Variants in FHIT observed in about 807,000 individuals in gnomAD.
The protein encoded by FHIT is fragile histidine triad diadenosine triphosphatase, also known as bis(5'-adenosyl)-triphosphatase.
Under a neutral mutation model 17.9 loss-of-function variants are expected in FHIT, and 19 were observed. The observed-to-expected ratio is 1.06, with a 90% CI of 0.74 to 1.56. FHIT has a LOEUF of 1.56. Among genes scored for constraint, FHIT ranks in the 40% most tolerant of loss-of-function variants. The probability of loss-of-function intolerance (pLI) is 0.00; values close to 1 mark genes in which losing one functional copy is unlikely to be tolerated. For missense variants in FHIT, 248 were observed against 189.2 expected (o/e 1.31, Z -1.82); for synonymous variants, 81 against 69.7 (o/e 1.16, Z -0.81).
chr3:60,208,306 G>A lies in FHIT; in HGVS notation c.104-194154C>T, dbSNP rs553602262. Among the ~76,000 whole-genome samples, 3 of 152,278 alleles carry A rather than the reference G, an allele frequency of 2.0e-5. No homozygotes were observed. In the South Asian group the frequency reaches 6.2e-4, roughly 32 times the overall value. On this transcript the variant is annotated intron_variant, in intron 5 of 9. Transcript: ENST00000492590. ...GCTTATTAAAAGATGCAGGCTTTCA[G>A]AACTCGACAAATTTTCTTGATCCTT...
chr3:60,050,875 G>C (rs1701844123), intron 5 of FHIT, among the ~76,000 whole-genome samples: 1 of 152,114 alleles, frequency 6.6e-6, no homozygotes, highest in Non-Finnish European at 1.5e-5. Context: ...AAGAGAATGT[G>C]GTGTAAGGCC....
chr3:60,190,683 G>A (rs1273962860), intron 5 of FHIT, among the ~76,000 whole-genome samples: 4 of 152,010 alleles, frequency 2.6e-5, no homozygotes, highest in Non-Finnish European at 5.9e-5. Context: ...GTTAATGGGT[G>A]CAGCACACCA....
intron 4 of FHIT, among the ~76,000 whole-genome samples, chr3:60,725,287 T>C (rs1469488456): frequency 2.6e-5 from 4 of 152,214 alleles, no homozygotes; most frequent in Non-Finnish European, 5.9e-5. Flanking sequence ...AAGTTTTAAT[T>C]TTTAGGATGT....
intron 4 of FHIT, among the ~76,000 whole-genome samples, chr3:60,566,242 G>C (rs1050557267): frequency 1.8e-4 from 27 of 152,180 alleles, no homozygotes; most frequent in African/African-American, 5.5e-4. Context: ...TGTTGATTTG[G>C]GGTTGAGAGT....
intron 8 of FHIT, among the ~76,000 whole-genome samples, chr3:59,792,029 GGTAGT>G: frequency 1.2e-5 from 1 of 81,224 alleles, no homozygotes; most frequent in Non-Finnish European, 3.0e-5. Flanking sequence ...TCATGGCTAT[GGTAGT>G]CTATGTCTTG....
intron 5 of FHIT, among the ~76,000 whole-genome samples, chr3:60,158,076 T>C (rs568734653): frequency 6.6e-6 from 1 of 152,282 alleles, no homozygotes; most frequent in East Asian, 1.9e-4. Flanking sequence ...CTTTGAATCT[T>C]TGGCAAGACA....
At chr3:60,022,483 C>A (rs1049480571) in intron 5 of FHIT, among the ~76,000 whole-genome samples, 11 of 152,228 alleles carry the variant, frequency 7.2e-5, no homozygotes, top group Non-Finnish European at 1.5e-5. Flanking sequence ...ATGTGACCGA[C>A]AGCTTTATTT....
chr3:60,018,914 A>T (rs1451253093), intron 5 of FHIT, among the ~76,000 whole-genome samples: 4 of 152,200 alleles, frequency 2.6e-5, no homozygotes, highest in Admixed American at 1.3e-4. Context: ...CGGGAGGTGG[A>T]GGTTGCAGTG....
intron 5 of FHIT, among the ~76,000 whole-genome samples, chr3:60,360,773 T>G (rs1389461829): frequency 6.6e-6 from 1 of 152,192 alleles, no homozygotes; most frequent in Non-Finnish European, 1.5e-5. Context: ...GCCTGTCTTA[T>G]CAATCGAGCC....
intron 5 of FHIT, among the ~76,000 whole-genome samples, chr3:60,271,686 C>T (rs994950846): frequency 2.6e-5 from 4 of 152,166 alleles, no homozygotes; most frequent in Admixed American, 6.5e-5. Flanking sequence ...CAACACATCA[C>T]TGTCATAAAA....
chr3:60,035,842 T>C (rs1400951943), intron 5 of FHIT, among the ~76,000 whole-genome samples: 2 of 151,892 alleles, frequency 1.3e-5, no homozygotes, highest in Non-Finnish European at 2.9e-5. Context: ...ATCTTTTGAC[T>C]TTCTATCAAT....
chr3:59,786,568 G>A (rs1699308435), intron 8 of FHIT, among the ~76,000 whole-genome samples: 1 of 152,254 alleles, frequency 6.6e-6, no homozygotes, highest in Admixed American at 6.5e-5. Flanking sequence ...GCTTTCAACT[G>A]TTGCCAGGGT....
intron 3 of FHIT, among the ~76,000 whole-genome samples, chr3:60,967,211 G>T (rs1709787617): frequency 6.6e-6 from 1 of 152,160 alleles, no homozygotes; most frequent in Non-Finnish European, 1.5e-5. Flanking sequence ...TGATTCACTG[G>T]ATGAGAACAT....
At chr3:59,804,448 C>T (rs1332114657) in intron 8 of FHIT, among the ~76,000 whole-genome samples, 1 of 152,076 alleles carries the variant, frequency 6.6e-6, no homozygotes, top group African/African-American at 2.4e-5. Flanking sequence ...ACAAAATGCG[C>T]AAACAAAGCA....
At chr3:60,254,903 G>T (rs549317779) in intron 5 of FHIT, among the ~76,000 whole-genome samples, 1 of 152,194 alleles carries the variant, frequency 6.6e-6, no homozygotes, top group Non-Finnish European at 1.5e-5. Context: ...GTGCTCATAA[G>T]CACATCACAA....
chr3:60,069,021 T>C (rs1262776794), intron 5 of FHIT, among the ~76,000 whole-genome samples: 1 of 152,158 alleles, frequency 6.6e-6, no homozygotes, highest in African/African-American at 2.4e-5. Context: ...ATGAGTAAAC[T>C]TGTAATTGCT....
intron 5 of FHIT, among the ~76,000 whole-genome samples, chr3:60,410,969 GC>G (rs1248955069): frequency 6.6e-6 from 1 of 152,100 alleles, no homozygotes; most frequent in African/African-American, 2.4e-5. Context: ...TAATTCTTGA[GC>G]CCTGAGGCAG....
At chr3:60,008,825 G>C (rs557641211) in intron 7 of FHIT, among the ~76,000 whole-genome samples, 1 of 152,330 alleles carries the variant, frequency 6.6e-6, no homozygotes, top group East Asian at 1.9e-4. Context: ...TTGTCCCCTA[G>C]AGGGGCTGGC....
chr3:60,020,701 A>C (rs1387497065), intron 5 of FHIT, among the ~76,000 whole-genome samples: 1 of 152,196 alleles, frequency 6.6e-6, no homozygotes, highest in Non-Finnish European at 1.5e-5. Flanking sequence ...AAACACTCCT[A>C]GGCCTTGTAA....
Sources: allele counts gnomAD v4.1 joint callset (sites outside exome capture counted in the v4.1 genomes callset), GRCh38; gene constraint gnomAD v4.1.1; transcripts MANE v1.5; gene names NCBI Gene and HGNC (gene_info 2026-07-23, HGNC 2026-07-21).